UPRT: variants seen among roughly 807,000 people sequenced by gnomAD.
UPRT encodes the protein RP11-311P8.3.
In UPRT, 5 loss-of-function variants were observed where a neutral mutation model predicts 22.6. The ratio of observed to expected loss-of-function variants is 0.22; its 90% CI spans 0.12 to 0.47. The LOEUF (loss-of-function observed/expected upper bound fraction) is 0.47. Among genes scored for constraint, UPRT ranks in the 20% least tolerant of loss-of-function variants. The probability of loss-of-function intolerance (pLI) is 0.99; values close to 1 mark genes in which losing one functional copy is unlikely to be tolerated. For synonymous variants in UPRT, 77 were observed against 87.7 expected, an observed-to-expected ratio of 0.88 and a Z score of 0.68; for missense variants, 181 against 239.9, an observed-to-expected ratio of 0.75 and a Z score of 1.62.
chrX:75,184,824 C>A (rs1250883674), intron 4 of UPRT, among the ~76,000 whole-genome samples: 1 of 110,549 alleles, frequency 9.0e-6, no homozygotes, highest in Non-Finnish European at 1.9e-5. Context: ...GGCTCTCTGT[C>A]TGTTGTTGGT....
At chrX:75,183,816 G>C (rs776105174) in intron 4 of UPRT, among the ~76,000 whole-genome samples, 12 of 112,344 alleles carry the variant, frequency 1.1e-4, no homozygotes, top group African/African-American at 3.9e-4. Context: ...CTGCATAAAT[G>C]TCTTCTTTTG....
At chrX:75,263,041 C>A (rs1208917611) in intron 4 of UPRT, among the ~76,000 whole-genome samples, 4 of 111,631 alleles carry the variant, frequency 3.6e-5, no homozygotes, top group African/African-American at 6.5e-5. Context: ...CTGAAATTGA[C>A]CATATACTTG....
At chrX:75,249,412 A>T (rs2082519930) in intron 4 of UPRT, among the ~76,000 whole-genome samples, 1 of 111,830 alleles carries the variant, frequency 8.9e-6, no homozygotes, top group South Asian at 3.8e-4. Context: ...TTGCAATCCT[A>T]GTCTCTGATA....
intron 1 of UPRT, among the ~76,000 whole-genome samples, chrX:75,282,280 G>A (rs914118372): frequency 9.2e-6 from 1 of 108,847 alleles, no homozygotes; most frequent in African/African-American, 3.3e-5. Flanking sequence ...TCTGATCTTG[G>A]TTATTTCCTT....
chrX:75,158,929 A>G (rs953585218), intron 1 of UPRT, among the ~76,000 whole-genome samples: 2 of 111,699 alleles, frequency 1.8e-5, no homozygotes, highest in Non-Finnish European at 3.8e-5. Flanking sequence ...AATGTGATCC[A>G]TGGACCACTA....
At chrX:75,255,447 T>C (rs931687003) in intron 4 of UPRT, among the ~76,000 whole-genome samples, 1 of 110,430 alleles carries the variant, frequency 9.1e-6, no homozygotes, top group African/African-American at 3.3e-5. Context: ...AAAAATACAA[T>C]TAAACAAAAT....
At chrX:75,286,311 G>T (rs1395746954) in intron 1 of UPRT, among the ~76,000 whole-genome samples, 9 of 85,251 alleles carry the variant, frequency 1.1e-4, no homozygotes, top group African/African-American at 2.8e-4. Flanking sequence ...TTACTTGGGG[G>T]GGGGGTGGGT....
At chrX:75,289,174 T>C (rs762197342) in intron 1 of UPRT, among the ~76,000 whole-genome samples, 2 of 110,981 alleles carry the variant, frequency 1.8e-5, no homozygotes, top group Non-Finnish European at 3.8e-5. Context: ...TGAGATCCCA[T>C]ATCTATAAAG....
intron 4 of UPRT, among the ~76,000 whole-genome samples, chrX:75,194,808 C>T (rs1216184005): frequency 1.8e-5 from 2 of 111,109 alleles, no homozygotes; most frequent in African/African-American, 3.3e-5. Context: ...TCTTTGTGCA[C>T]GTTCATGCAG....
At chrX:75,253,652 G>C (rs2082539577) in intron 4 of UPRT, among the ~76,000 whole-genome samples, 1 of 112,104 alleles carries the variant, frequency 8.9e-6, no homozygotes, top group Admixed American at 9.5e-5. Flanking sequence ...GACCACTACA[G>C]GAATAAATCA....
intron 1 of UPRT, among the ~76,000 whole-genome samples, chrX:75,157,781 A>G (rs1335550537): frequency 8.9e-6 from 1 of 112,291 alleles, no homozygotes; most frequent in African/African-American, 3.2e-5. Flanking sequence ...ATTGCAGGGC[A>G]ATTAGGAGAT....
chrX:75,253,919 T>A (rs2082540614), intron 4 of UPRT, among the ~76,000 whole-genome samples: 1 of 111,501 alleles, frequency 9.0e-6, no homozygotes, highest in Non-Finnish European at 1.9e-5. Flanking sequence ...CCCTGTGAGC[T>A]CCCTGGGTAA....
chrX:75,180,711 T>TTTTTTTTTTTTTTTG, intron 4 of UPRT, among the ~76,000 whole-genome samples: 1 of 97,616 alleles, frequency 1.0e-5, no homozygotes, highest in Non-Finnish European at 2.0e-5. Context: ...TTTTTTTTTT[T>TTTTTTTTTTTTTTTG]TTTTTTTTTG....
chrX:75,215,426 C>T (rs6647664), intron 4 of UPRT, among the ~76,000 whole-genome samples: 16,182 of 110,840 alleles, frequency 0.15, 1,780 homozygotes, highest in East Asian at 0.91. Context: ...ATCAGCAAAA[C>T]GAAAAGCTGG....
At chrX:75,156,808 C>T (rs759446032) in intron 1 of UPRT, 131 of 320,550 alleles carry the variant, frequency 4.1e-4, no homozygotes, top group Non-Finnish European at 7.5e-4. Flanking sequence ...TACTGCTTTT[C>T]TGTCCTGTAA....
chrX:75,263,453 T>C (rs1267036901), intron 4 of UPRT, among the ~76,000 whole-genome samples: 1 of 111,711 alleles, frequency 9.0e-6, no homozygotes, highest in Non-Finnish European at 1.9e-5. Context: ...CTTGGGAGGG[T>C]GTATGTGTCC....
chrX:75,295,278 T>C (rs999313712), intron 2 of UPRT, among the ~76,000 whole-genome samples: 1 of 111,073 alleles, frequency 9.0e-6, no homozygotes, highest in Non-Finnish European at 1.9e-5. Context: ...TTGGGCACAC[T>C]AATTTCTGTC....
chrX:75,170,035 CTTT>C (rs34570333), intron 4 of UPRT, among the ~76,000 whole-genome samples: 8 of 53,407 alleles, frequency 1.5e-4, no homozygotes, highest in African/African-American at 1.7e-4. Context: ...CGCTCTGTGT[CTTT>C]TTTTTTTTTT....
intron 4 of UPRT, among the ~76,000 whole-genome samples, chrX:75,299,479 A>G (rs2082736967): frequency 8.9e-6 from 1 of 112,009 alleles, no homozygotes; most frequent in African/African-American, 3.2e-5. Context: ...CGGAAGCATG[A>G]CAGCTCTAAA....
Sources: allele counts gnomAD v4.1 joint callset (sites outside exome capture counted in the v4.1 genomes callset), GRCh38; gene constraint gnomAD v4.1.1; transcripts MANE v1.5; gene names NCBI Gene and HGNC (gene_info 2026-07-23, HGNC 2026-07-21).